RBM18: variants seen among roughly 807,000 people sequenced by gnomAD.
RBM18 encodes RNA binding motif protein 18, also known as probable RNA-binding protein 18.
In RBM18, 18 loss-of-function variants were observed where a neutral mutation model predicts 26.4. That is an observed-to-expected ratio of 0.68 (90% confidence interval 0.47 to 1.01). The LOEUF (loss-of-function observed/expected upper bound fraction) is 1.01. Among genes scored for constraint, RBM18 ranks in the 50% least tolerant of loss-of-function variants. The pLI, the probability that RBM18 is intolerant of heterozygous loss-of-function variation, is 0.00. For synonymous variants in RBM18, 74 were observed against 81.1 expected (o/e 0.91, Z 0.47); for missense variants, 180 against 219.2 (o/e 0.82, Z 1.13).
chr9:122,245,473 A>C, intron 4 of RBM18, 132 bp from the exon 5 acceptor site: 1 of 530,904 alleles, frequency 1.9e-6, no homozygotes, highest in South Asian at 2.7e-5. Context: ...ACCACTTTAC[A>C]CTTAGAATTA....
At position 122,262,507 on chromosome 9, in the gene RBM18, T is replaced by C. The variant is rs536579269; in HGVS notation, c.-16-999A>G. 7.2e-5 allele frequency among the ~76,000 whole-genome samples: 11 copies of C among 152,360 alleles called. 1 individual carries two copies. The South Asian group carries it at 2.1e-3, about 29-fold the overall frequency. ...CAAGGAGAAAAGAGGATTATGATTA[T>C]GATGGAGACAGCAGTAGAAAGAGCA... On this transcript the variant is annotated intron_variant, in intron 1 of 5. Transcript: ENST00000417201.
chr9:122,261,680 T>G (rs996580506), intron 1 of RBM18, among the ~76,000 whole-genome samples, 172 bp from the exon 2 acceptor site: 2 of 152,238 alleles, frequency 1.3e-5, no homozygotes, highest in Non-Finnish European at 2.9e-5. Context: ...TTGGGACAAC[T>G]GCTCTGGCAG....
chr9:122,256,561 TCA>T (rs1382859125), intron 2 of RBM18, among the ~76,000 whole-genome samples: 2 of 152,218 alleles, frequency 1.3e-5, no homozygotes, highest in Non-Finnish European at 2.9e-5. Flanking sequence ...ATAATGATAT[TCA>T]GAGGTATTGT....
intron 2 of RBM18, chr9:122,254,261 C>G (rs1211080734): frequency 1.4e-6 from 1 of 732,588 alleles, no homozygotes; most frequent in Non-Finnish European, 1.7e-6. Context: ...ACATTCTGCC[C>G]AAGAAGTGTG....
rs754554294 is a variant in RBM18 at position 122,247,655 on chromosome 9, C to G, written c.241-51G>C. 4 of 1,399,740 alleles carry G rather than the reference C, an allele frequency of 2.9e-6. No homozygotes were observed. The African/African-American group carries it at 5.6e-5, about 20-fold the overall frequency. 86.7% of individuals were successfully genotyped at this position (1,399,740 alleles called of 1,614,324 possible). A position where few individuals can be genotyped will look rare whatever the true frequency, so the allele number is the denominator to read the frequency against. Reference sequence around the variant, plus strand: ...GTTAAAAACTGAAATGCTTAACTAGCTATATGTATTCTCACAGGGCTTCAC... The same window carrying G: ...GTTAAAAACTGAAATGCTTAACTAGGTATATGTATTCTCACAGGGCTTCAC... On this transcript the variant is annotated intron_variant, in intron 3 of 5. Transcript: ENST00000417201.
intron 2 of RBM18, among the ~76,000 whole-genome samples, chr9:122,254,105 G>C (rs1490972320): frequency 1.3e-5 from 2 of 151,638 alleles, no homozygotes; most frequent in Non-Finnish European, 2.9e-5. Context: ...GGCTACTGTG[G>C]GCTGGTCATC....
At chr9:122,245,385 C>T in intron 4 of RBM18, 44 bp from the exon 5 acceptor site, 1 of 1,228,350 alleles carries the variant, frequency 8.1e-7, no homozygotes, top group Non-Finnish European at 1.2e-6. Context: ...GGGCAGAAAC[C>T]AGCCCTTTAC....
In RBM18 at chr9:122,237,659, C is replaced by T. The variant is rs1831348830; in HGVS notation, c.*4225G>A. On this transcript the variant is annotated 3_prime_UTR_variant, in exon 6 of 6. Coordinates refer to ENST00000417201, the MANE Select transcript of RBM18 (RefSeq NM_033117.4). Reference sequence around the variant, plus strand: ...CATTCTGACATCTGTTGCTTTTATTCTCTGCATTAATACGAGAATTTTAGA... The same window carrying T: ...CATTCTGACATCTGTTGCTTTTATTTTCTGCATTAATACGAGAATTTTAGA... 1 of 152,212 alleles carries T rather than the reference C, an allele frequency of 6.6e-6. No homozygotes were observed. 9.4% of individuals were successfully genotyped at this position (152,212 alleles called of 1,614,324 possible). A position where few individuals can be genotyped will look rare whatever the true frequency, so the allele number is the denominator to read the frequency against.
chr9:122,243,734 G>C (rs144436507), intron 5 of RBM18: 2 of 985,294 alleles, frequency 2.0e-6, no homozygotes, highest in African/African-American at 3.5e-5. Context: ...AAAGAACACT[G>C]ATATATTACC....
At position 122,261,304 on chromosome 9, in the gene RBM18, T is replaced by C; in HGVS notation, c.113+76A>G. ...GGGTCTAAGTATATCCCACACCCCT[T>C]GAAAATTCTTCTTGACATCATCACC... On this transcript the variant is annotated intron_variant, in intron 2 of 5. Transcript: ENST00000417201. 2.9e-6 allele frequency: 3 copies of C among 1,018,718 alleles called. No homozygotes were observed. The South Asian group carries it at 3.8e-5, about 13-fold the overall frequency. The allele number at this position is 1,018,718 out of a possible 1,614,324, so 63.1% of individuals were successfully genotyped here.
chr9:122,243,661 G>T, intron 5 of RBM18: 1 of 872,218 alleles, frequency 1.1e-6, no homozygotes, highest in Non-Finnish European at 1.4e-6. Flanking sequence ...GTATATACAT[G>T]GGCTTTTGGA....
At chr9:122,260,801 A>T (rs1831780441) in intron 2 of RBM18, among the ~76,000 whole-genome samples, 1 of 152,160 alleles carries the variant, frequency 6.6e-6, no homozygotes, top group Non-Finnish European at 1.5e-5. Context: ...TACAGCTCTG[A>T]TTATTACTTT....
intron 5 of RBM18, chr9:122,243,898 G>A (rs1273161806): frequency 1.0e-6 from 1 of 983,006 alleles, no homozygotes; most frequent in Non-Finnish European, 1.2e-6. Flanking sequence ...GAAAACCCTA[G>A]GCTATCTTGT....
At position 122,241,981 on chromosome 9, in the gene RBM18, G is replaced by C; in HGVS notation, c.476C>G (p.Ala159Gly). 1 of 1,614,070 alleles carries C rather than the reference G, an allele frequency of 6.2e-7. No homozygotes were observed. The highest frequency in any genetic ancestry group is 8.5e-7 in the Non-Finnish European group (1 of 1,180,002). Reference sequence around the variant, plus strand: ...ATAAACAGGCGCTGCTGGATACTCTGCATCAGGATTTTCCGCCATCATTTT... The same window carrying C: ...ATAAACAGGCGCTGCTGGATACTCTCCATCAGGATTTTCCGCCATCATTTT... ...KLKMMAENPD[A>G]EYPAAPVYSY... The change falls in exon 6 of 6, where the codon GCA becomes GGA. Residue 159 changes from alanine to glycine, a missense_variant. Physicochemically the swap from Ala to Gly is moderately conservative, Grantham distance 60 (BLOSUM62 0). Around this residue, in one of 3 missense-constraint regions of RBM18, gnomAD observed 103 missense variants for 102.8 expected, o/e 1.00. Transcript: ENST00000417201.
chr9:122,246,346 T>C (rs1021208674), intron 4 of RBM18, among the ~76,000 whole-genome samples: 1 of 152,088 alleles, frequency 6.6e-6, no homozygotes, highest in African/African-American at 2.4e-5. Flanking sequence ...AAATATAATA[T>C]TGAAGAGCAA....
chr9:122,264,380 C>T (rs1831911666), intron 1 of RBM18, among the ~76,000 whole-genome samples: 1 of 152,206 alleles, frequency 6.6e-6, no homozygotes, highest in African/African-American at 2.4e-5. Context: ...CTTTAGACTA[C>T]CAGAGTTCAC....
intron 3 of RBM18, 80 bp from the exon 4 acceptor site, chr9:122,247,684 C>T: frequency 9.7e-7 from 1 of 1,033,556 alleles, no homozygotes. Flanking sequence ...GCTTCACTAG[C>T]TTTGATGGCT....
intron 4 of RBM18, 46 bp from the exon 5 acceptor site, chr9:122,245,387 G>C: frequency 1.6e-6 from 2 of 1,215,622 alleles, no homozygotes; most frequent in Non-Finnish European, 2.4e-6. Flanking sequence ...GCAGAAACCA[G>C]CCCTTTACTG....
chr9:122,246,328 T>C (rs1286644793), intron 4 of RBM18, among the ~76,000 whole-genome samples: 1 of 152,096 alleles, frequency 6.6e-6, no homozygotes, highest in Non-Finnish European at 1.5e-5. Context: ...ATACTTCTTG[T>C]AAAAAGCAAA....
Sources: gnomAD v4.1 joint callset for allele counts (sites outside exome capture counted in the v4.1 genomes callset) on GRCh38, gnomAD v4.1.1 for gene constraint, gnomAD v4.1.1 regional missense constraint, MANE v1.5 for transcripts, NCBI Gene and HGNC (gene_info 2026-07-23, HGNC 2026-07-21) for gene names.